Variants in NMNAT3 observed in about 807,000 individuals in gnomAD.
The protein encoded by NMNAT3 is nicotinamide nucleotide adenylyltransferase 3.
A neutral mutation model predicts 24.8 loss-of-function variants in NMNAT3; 21 were observed. The ratio of observed to expected loss-of-function variants is 0.85; its 90% CI spans 0.60 to 1.22. NMNAT3 has a LOEUF of 1.22. Among genes scored for constraint, NMNAT3 ranks in the 50% most tolerant of loss-of-function variants. The probability of loss-of-function intolerance (pLI) is 0.00; values close to 1 mark genes in which losing one functional copy is unlikely to be tolerated. For synonymous variants in NMNAT3, 136 were observed against 155.2 expected (o/e 0.88, Z 0.92); for missense variants, 387 against 436.6 (o/e 0.89, Z 1.01).
chr3:139,588,488 T>G lies in NMNAT3; in HGVS notation c.110-5280A>C, dbSNP rs139011848. ...AATAGTTGGGAAAATGCAAAACATT[T>G]TGGACACTGGAGAGCTGATAAAAAT... On this transcript the variant is annotated intron_variant, in intron 3 of 6. Transcript: ENST00000643695. Among the ~76,000 whole-genome samples the G allele has an allele frequency of 6.9e-3, 1,045 of 152,140 alleles. 9 individuals carry two copies. Among genetic ancestry groups the G allele is most frequent in the South Asian group, 0.011 (54 of 4,814 alleles).
chr3:139,628,757 G>A (rs1423806498), intron 2 of NMNAT3, among the ~76,000 whole-genome samples: 1 of 152,128 alleles, frequency 6.6e-6, no homozygotes, highest in Non-Finnish European at 1.5e-5. Flanking sequence ...TGAGGCCTAG[G>A]GCAAATCACA....
intron 6 of NMNAT3, among the ~76,000 whole-genome samples, chr3:139,573,371 C>CA (rs1299672000): frequency 6.6e-6 from 1 of 152,040 alleles, no homozygotes; most frequent in Non-Finnish European, 1.5e-5. Flanking sequence ...TTCTTTGGGG[C>CA]AAAAAATCCC....
intron 5 of NMNAT3, among the ~76,000 whole-genome samples, chr3:139,577,534 CTG>C (rs1939517317): frequency 1.3e-5 from 2 of 152,230 alleles, no homozygotes; most frequent in Admixed American, 1.3e-4. Flanking sequence ...GAGCAAGCGT[CTG>C]TTTCTGCCTA....
intron 1 of NMNAT3, among the ~76,000 whole-genome samples, chr3:139,667,162 T>C (rs2057609072): frequency 6.6e-6 from 1 of 152,264 alleles, no homozygotes; most frequent in Non-Finnish European, 1.5e-5. Flanking sequence ...TTTAGTTTTC[T>C]GAGGAACTTC....
chr3:139,569,482 A>C (rs1230203067), intron 6 of NMNAT3: 8 of 152,192 alleles, frequency 5.3e-5, no homozygotes, highest in African/African-American at 9.6e-5. Context: ...GGCTGGTACC[A>C]GTTGTTCCTT....
At chr3:139,655,015 G>C (rs569743970) in intron 1 of NMNAT3, among the ~76,000 whole-genome samples, 1 of 152,292 alleles carries the variant, frequency 6.6e-6, no homozygotes, top group African/African-American at 2.4e-5. Context: ...CCCTAGGCTC[G>C]GTCAGGTTAA....
At chr3:139,592,795 G>A (rs2054259327) in intron 3 of NMNAT3, among the ~76,000 whole-genome samples, 1 of 152,102 alleles carries the variant, frequency 6.6e-6, no homozygotes, top group African/African-American at 2.4e-5. Flanking sequence ...TACCAGGCCT[G>A]CCCTAAAAGA....
At chr3:139,629,675 A>G (rs895862782) in intron 2 of NMNAT3, among the ~76,000 whole-genome samples, 3 of 152,166 alleles carry the variant, frequency 2.0e-5, no homozygotes, top group African/African-American at 7.2e-5. Flanking sequence ...AACTGTTTCA[A>G]TTTGGCCCAT....
intron 1 of NMNAT3, among the ~76,000 whole-genome samples, chr3:139,676,094 T>C (rs2057920112): frequency 6.6e-6 from 1 of 152,208 alleles, no homozygotes; most frequent in Non-Finnish European, 1.5e-5. Context: ...CTCTCTCTCC[T>C]CTTCCCTCCA....
chr3:139,665,556 G>A (rs532785462), intron 1 of NMNAT3, among the ~76,000 whole-genome samples: 1 of 152,268 alleles, frequency 6.6e-6, no homozygotes, highest in African/African-American at 2.4e-5. Context: ...GCTGGCTTGA[G>A]CTCTTGAGGA....
At chr3:139,595,751 T>C (rs1372465991) in intron 3 of NMNAT3, among the ~76,000 whole-genome samples, 1 of 152,112 alleles carries the variant, frequency 6.6e-6, no homozygotes, top group Non-Finnish European at 1.5e-5. Flanking sequence ...GAAAACTGGC[T>C]AGCCATATGT....
intron 1 of NMNAT3, among the ~76,000 whole-genome samples, chr3:139,643,954 T>C (rs1470320413): frequency 3.3e-5 from 5 of 152,244 alleles, no homozygotes; most frequent in Non-Finnish European, 7.3e-5. Flanking sequence ...TTGCATTGCT[T>C]GTCAACCTCT....
chr3:139,650,515 A>G (rs1027654532), intron 1 of NMNAT3, among the ~76,000 whole-genome samples: 14 of 152,208 alleles, frequency 9.2e-5, no homozygotes, highest in African/African-American at 3.4e-4. Flanking sequence ...TGAGTACTGG[A>G]GAGGTGATGT....
intron 3 of NMNAT3, among the ~76,000 whole-genome samples, chr3:139,592,305 A>C (rs1244859205): frequency 6.6e-6 from 1 of 152,232 alleles, no homozygotes; most frequent in Non-Finnish European, 1.5e-5. Context: ...GTGTCCAAGA[A>C]ATATGGGACT....
chr3:139,627,540 G>C, intron 3 of NMNAT3, 76 bp downstream of exon 4: 1 of 738,460 alleles, frequency 1.4e-6, no homozygotes, highest in Non-Finnish European at 2.2e-6. Context: ...TAATAATAGT[G>C]ATGCCAGCAG....
At chr3:139,629,105 G>T (rs2056180793) in intron 2 of NMNAT3, among the ~76,000 whole-genome samples, 1 of 152,128 alleles carries the variant, frequency 6.6e-6, no homozygotes, top group Admixed American at 6.5e-5. Flanking sequence ...CAGCAGTAGT[G>T]GTTACCACTT....
At chr3:139,640,929 A>C (rs1360046882) in intron 1 of NMNAT3, among the ~76,000 whole-genome samples, 1 of 152,240 alleles carries the variant, frequency 6.6e-6, no homozygotes, top group African/African-American at 2.4e-5. Context: ...TTAATTAAAA[A>C]TTTTAACTGA....
intron 2 of NMNAT3, 109 bp from the exon 4 acceptor site, chr3:139,627,873 G>A: frequency 2.1e-6 from 1 of 481,916 alleles, no homozygotes; most frequent in South Asian, 4.6e-5. Context: ...TAAGATGACT[G>A]AGGAGGCCAT....
intron 3 of NMNAT3, among the ~76,000 whole-genome samples, chr3:139,594,597 C>G (rs992362185): frequency 5.9e-5 from 9 of 152,280 alleles, no homozygotes; most frequent in Admixed American, 5.2e-4. Context: ...AGCAGCACAT[C>G]AAAAAGCTTA....
Sources: gnomAD v4.1 joint callset for allele counts (sites outside exome capture counted in the v4.1 genomes callset) on GRCh38, gnomAD v4.1.1 for gene constraint, MANE v1.5 for transcripts, NCBI Gene and HGNC (gene_info 2026-07-23, HGNC 2026-07-21) for gene names.